CRYBG1: variants seen among roughly 807,000 people sequenced by gnomAD.
The protein encoded by CRYBG1 is crystallin beta-gamma domain containing 1, also known as beta/gamma crystallin domain-containing protein 1.
CRYBG1 carries 139 observed loss-of-function variants against 189.2 expected under a neutral mutation model. The ratio of observed to expected loss-of-function variants is 0.73; its 90% CI spans 0.64 to 0.85. The LOEUF is 0.85. Ranked by LOEUF, CRYBG1 falls within the 40% of genes least tolerant of loss-of-function variation. The pLI, the probability that CRYBG1 is intolerant of heterozygous loss-of-function variation, is 0.00. For missense variants in CRYBG1, 2,611 were observed against 2,675.8 expected (o/e 0.98, Z 0.53); for synonymous variants, 1,023 against 1,017.1 (o/e 1.01, Z -0.11).
At position 106,560,918 on chromosome 6, in the gene CRYBG1, TTTG is replaced by T. The variant is rs769732837; in HGVS notation, c.5974_5976del (p.Val1992del). 1 of 1,603,796 alleles carries T rather than the reference TTTG, an allele frequency of 6.2e-7. No homozygotes were observed. The highest frequency in any genetic ancestry group is 8.5e-7 in the Non-Finnish European group (1 of 1,175,422). On this transcript the variant is annotated inframe_deletion, in exon 19 of 22. Transcript: ENST00000633556. Reference sequence around the variant, plus strand: ...TCGCCAAATAGGTTCTCTACGACCTTTTGTTCAGGTATTTTCTTCCTCTCCATG... The same window carrying T: ...TCGCCAAATAGGTTCTCTACGACCTTTTCAGGTATTTTCTTCCTCTCCATG...
chr6:106,426,567 A>C (rs1013835408), intron 1 of CRYBG1, among the ~76,000 whole-genome samples: 5 of 151,206 alleles, frequency 3.3e-5, no homozygotes, highest in African/African-American at 1.2e-4. Flanking sequence ...AATTAATGAC[A>C]CTCTTTTCTT....
chr6:106,533,236 G>C (rs1235856475), intron 8 of CRYBG1, among the ~76,000 whole-genome samples: 1 of 152,212 alleles, frequency 6.6e-6, no homozygotes, highest in Non-Finnish European at 1.5e-5. Flanking sequence ...GGGGCAGGGA[G>C]CCTGTCCCAG....
At chr6:106,408,162 A>G (rs1254794074) in intron 1 of CRYBG1, among the ~76,000 whole-genome samples, 2 of 152,220 alleles carry the variant, frequency 1.3e-5, no homozygotes, top group African/African-American at 4.8e-5. Context: ...GAAGAATCAA[A>G]TAGACACAAT....
chr6:106,568,668 T>C lies in CRYBG1; in HGVS notation c.*102T>C. ...CCAGACTGGAAAGTGGATCGACTCCTCCTTCATTGATTCTAAATTCAACCT... is the reference window on the plus strand; with the variant it reads ...CCAGACTGGAAAGTGGATCGACTCCCCCTTCATTGATTCTAAATTCAACCT... On this transcript the variant is annotated 3_prime_UTR_variant, in exon 22 of 22. Transcript: ENST00000633556. 1 of 768,308 alleles carries C rather than the reference T, an allele frequency of 1.3e-6. No homozygotes were observed. Among genetic ancestry groups the C allele is most frequent in the African/African-American group, 1.7e-5 (1 of 57,474 alleles). 47.6% of individuals were successfully genotyped at this position (768,308 alleles called of 1,614,324 possible). A position where few individuals can be genotyped will look rare whatever the true frequency, so the allele number is the denominator to read the frequency against.
chr6:106,571,761 G>GTT lies in CRYBG1; in HGVS notation c.*3196_*3197insTT. 1 of 449,252 alleles carries GTT rather than the reference G, an allele frequency of 2.2e-6. No individual in the cohort carries two copies. The highest frequency in any genetic ancestry group is 2.8e-5 in the South Asian group (1 of 36,010). 27.8% of individuals were successfully genotyped at this position (449,252 alleles called of 1,614,324 possible). ...GGTGCCACAACAACCTGCAAAGCCA[G>GTT]TGTGAAGGAACAGCTTGAAAAAACT... On this transcript the variant is annotated 3_prime_UTR_variant, in exon 22 of 22. Transcript: ENST00000633556.
Position 106,360,736 on chromosome 6 carries a change from TGGGTGCTGGTTCTGCA to T in CRYBG1, c.-172_-157del. ...GGCTGCAGTGCTGCTCGCGCTGCGC[TGGGTGCTGGTTCTGCA>T]ACCCGCGGCCGTCCCCCCGCATCCG... On this transcript the variant is annotated 5_prime_UTR_variant, in exon 1 of 22. Transcript: ENST00000633556. The T allele has an allele frequency of 1.5e-6, 1 of 675,238 alleles. No individual in the cohort carries two copies. The highest frequency in any genetic ancestry group is 2.3e-6 in the Non-Finnish European group (1 of 431,518). The allele number at this position is 675,238 out of a possible 1,614,324, so 41.8% of individuals were successfully genotyped here. A position where few individuals can be genotyped will look rare whatever the true frequency, so the allele number is the denominator to read the frequency against.
intron 1 of CRYBG1, among the ~76,000 whole-genome samples, chr6:106,380,768 G>GTTA (rs1223268503): frequency 1.3e-5 from 2 of 152,088 alleles, no homozygotes; most frequent in Admixed American, 6.6e-5. Flanking sequence ...AATTACATAG[G>GTTA]TTAGTTTATA....
chr6:106,511,912 A>G lies in CRYBG1; in HGVS notation c.795A>G (p.Gln265=), dbSNP rs113947175. 1.5e-3 allele frequency: 2,328 copies of G among 1,524,220 alleles called. 39 individuals are homozygous for G. In the African/African-American group the frequency reaches 0.029, roughly 19 times the overall value. 94.4% of individuals were successfully genotyped at this position (1,524,220 alleles called of 1,614,324 possible). A position where few individuals can be genotyped will look rare whatever the true frequency, so the allele number is the denominator to read the frequency against. Residue 265 remains glutamine, a synonymous_variant, in exon 3 of 22, where the codon CAA becomes CAG. Coordinates refer to ENST00000633556, the MANE Select transcript of CRYBG1 (RefSeq NM_001371242.2). The stretch of plus-strand genomic sequence containing the variant: ...CCTCGCCGGGAAATTCCTCCAGGCA[A>G]GAGAACGCAGAGACGCCCGCCCGCA... ...LHSSPGNSSR[Q]ENAETPARSP...
chr6:106,365,805 T>C (rs1168909573), intron 1 of CRYBG1, among the ~76,000 whole-genome samples: 1 of 151,850 alleles, frequency 6.6e-6, no homozygotes, highest in Non-Finnish European at 1.5e-5. Context: ...ATGGGTCTCA[T>C]AATCCTGTGA....
chr6:106,500,562 T>C (rs1383025800), intron 2 of CRYBG1, among the ~76,000 whole-genome samples: 1 of 152,234 alleles, frequency 6.6e-6, no homozygotes, highest in Non-Finnish European at 1.5e-5. Context: ...ATTTTGGATA[T>C]TAATCCCTTA....
intron 1 of CRYBG1, among the ~76,000 whole-genome samples, chr6:106,436,290 A>T (rs895848504): frequency 8.7e-6 from 1 of 114,872 alleles, no homozygotes; most frequent in Non-Finnish European, 1.7e-5. Context: ...GTTGACATGC[A>T]ATCTCTTTTT....
chr6:106,481,419 G>A (rs1365528642), intron 2 of CRYBG1, among the ~76,000 whole-genome samples: 1 of 152,094 alleles, frequency 6.6e-6, no homozygotes, highest in African/African-American at 2.4e-5. Flanking sequence ...AGGTAGATAA[G>A]GTACACTTGC....
chr6:106,519,860 T>G lies in CRYBG1; in HGVS notation c.2652T>G (p.Val884=), dbSNP rs768677403. Residue 884 remains valine, a synonymous_variant, in exon 4 of 22, where the codon GTT becomes GTG. Coordinates refer to ENST00000633556, the MANE Select transcript of CRYBG1 (RefSeq NM_001371242.2). ...LSLSAPAPGD[V]PKDTCVQSPI... The stretch of plus-strand genomic sequence containing the variant: ...TGTCTGCACCCGCTCCTGGGGATGT[T>G]CCCAAAGACACATGTGTTCAATCAC... 6.2e-7 allele frequency: 1 copy of G among 1,614,154 alleles called. No homozygotes were observed.
intron 1 of CRYBG1, among the ~76,000 whole-genome samples, chr6:106,439,418 A>G (rs994619678): frequency 1.3e-5 from 2 of 152,176 alleles, no homozygotes; most frequent in Admixed American, 6.5e-5. Context: ...TGGTACAAAG[A>G]CAATATGAAG....
chr6:106,379,806 C>T, intron 1 of CRYBG1, among the ~76,000 whole-genome samples: 1 of 151,896 alleles, frequency 6.6e-6, no homozygotes, highest in East Asian at 1.9e-4. Context: ...TCTCCAACTC[C>T]TGGCCTCAAA....
chr6:106,386,728 A>T (rs1374971714), intron 1 of CRYBG1, among the ~76,000 whole-genome samples: 1 of 152,212 alleles, frequency 6.6e-6, no homozygotes, highest in Non-Finnish European at 1.5e-5. Flanking sequence ...ACATACCATC[A>T]AGAGGCAGAG....
chr6:106,541,498 C>T, intron 9 of CRYBG1, 88 bp from the exon 10 acceptor site: 1 of 1,260,314 alleles, frequency 7.9e-7, no homozygotes, highest in Non-Finnish European at 1.2e-6. Context: ...CACTGAAATT[C>T]AATGTTTTAC....
chr6:106,462,451 G>T (rs749869039), intron 2 of CRYBG1, among the ~76,000 whole-genome samples: 2 of 152,162 alleles, frequency 1.3e-5, no homozygotes, highest in Non-Finnish European at 2.9e-5. Flanking sequence ...GAGCCACCGC[G>T]CCCGGCCTTT....
chr6:106,510,766 G>C (rs1773239744), intron 2 of CRYBG1, among the ~76,000 whole-genome samples: 1 of 152,222 alleles, frequency 6.6e-6, no homozygotes, highest in South Asian at 2.1e-4. Context: ...AAGCCTTTCC[G>C]ATGCGCTCTG....
Sources: allele counts gnomAD v4.1 joint callset (sites outside exome capture counted in the v4.1 genomes callset), GRCh38; gene constraint gnomAD v4.1.1; transcripts MANE v1.5; gene names NCBI Gene and HGNC (gene_info 2026-07-23, HGNC 2026-07-21).